MAP2K4: variants seen among roughly 807,000 people sequenced by gnomAD.
MAP2K4 encodes mitogen-activated protein kinase kinase 4.
Under a neutral mutation model 48.5 loss-of-function variants are expected in MAP2K4, and 4 were observed. That is an observed-to-expected ratio of 0.08 (90% confidence interval 0.04 to 0.19). The LOEUF (loss-of-function observed/expected upper bound fraction) is 0.19. MAP2K4 is among the 10% of genes least tolerant of loss of function. MAP2K4 has a pLI of 1.00. For missense variants in MAP2K4, 258 were observed against 493.3 expected (o/e 0.52, Z 4.52); for synonymous variants, 166 against 173.1 (o/e 0.96, Z 0.32).
At chr17:12,025,237 C>T (rs1446440054) in intron 1 of MAP2K4, among the ~76,000 whole-genome samples, 1 of 152,164 alleles carries the variant, frequency 6.6e-6, no homozygotes, top group African/African-American at 2.4e-5. Flanking sequence ...AATTCCCTAA[C>T]TTTTCTCAAC....
chr17:12,089,057 G>A (rs772204457), intron 3 of MAP2K4, among the ~76,000 whole-genome samples: 15 of 151,812 alleles, frequency 9.9e-5, no homozygotes, highest in Non-Finnish European at 1.8e-4. Flanking sequence ...GACTACAGGC[G>A]CACGCCACCA....
Position 12,141,563 on chromosome 17 carries a change from A to G in MAP2K4, c.*303A>G, listed in dbSNP as rs1317988135. On this transcript the variant is annotated 3_prime_UTR_variant, in exon 11 of 11. Transcript: ENST00000353533. ...GTTGACTGTGATTAGATCACATCTT[A>G]AATTCATTTCTAGACTCAAAACCTG... 2 of 360,848 alleles carry G rather than the reference A, an allele frequency of 5.5e-6. No individual in the cohort carries two copies. Among genetic ancestry groups the G allele is most frequent in the Non-Finnish European group, 1.0e-5 (2 of 196,872 alleles). The allele number at this position is 360,848 out of a possible 1,614,324, so 22.4% of individuals were successfully genotyped here. A position where few individuals can be genotyped will look rare whatever the true frequency, so the allele number is the denominator to read the frequency against.
intron 6 of MAP2K4, among the ~76,000 whole-genome samples, chr17:12,112,465 CAAAAA>C (rs11370279): frequency 1.2e-5 from 1 of 86,664 alleles, no homozygotes; most frequent in Non-Finnish European, 2.2e-5. Flanking sequence ...ACTCTTGTCT[CAAAAA>C]AAAAAAAAAA....
intron 1 of MAP2K4, among the ~76,000 whole-genome samples, chr17:12,035,119 T>C (rs555397389): frequency 1.4e-4 from 22 of 152,336 alleles, no homozygotes; most frequent in African/African-American, 5.1e-4. Context: ...TTTGCATGAC[T>C]TAAAAAATTA....
At chr17:12,049,589 T>C (rs1970070804) in intron 1 of MAP2K4, among the ~76,000 whole-genome samples, 1 of 152,224 alleles carries the variant, frequency 6.6e-6, no homozygotes, top group Admixed American at 6.5e-5. Context: ...TTTTGTTCCA[T>C]GTGGTCTTTC....
At chr17:12,120,186 C>T (rs8070288) in intron 7 of MAP2K4, among the ~76,000 whole-genome samples, 35,737 of 152,152 alleles carry the variant, frequency 0.23, 4,640 homozygotes, top group South Asian at 0.31. Flanking sequence ...TTAGGCCGGG[C>T]GCGGTGGCAC....
At position 12,143,689 on chromosome 17, in the gene MAP2K4, C is replaced by T. The variant is rs892713513; in HGVS notation, c.*2429C>T. ...GAAGTGTTTATGTAATAGTTCTATCCTTTTGCCTGCAGGTCAGTTGTAATA... is the reference window on the plus strand; with the variant it reads ...GAAGTGTTTATGTAATAGTTCTATCTTTTTGCCTGCAGGTCAGTTGTAATA... On this transcript the variant is annotated 3_prime_UTR_variant, in exon 11 of 11. Coordinates refer to ENST00000353533, the MANE Select transcript of MAP2K4 (RefSeq NM_003010.4). 1.3e-5 allele frequency: 3 copies of T among 230,312 alleles called. No individual in the cohort carries two copies. Among genetic ancestry groups the T allele is most frequent in the Admixed American group, 1.1e-4 (2 of 17,708 alleles). 14.3% of individuals were successfully genotyped at this position (230,312 alleles called of 1,614,324 possible). A position where few individuals can be genotyped will look rare whatever the true frequency, so the allele number is the denominator to read the frequency against.
At chr17:12,069,805 T>A in intron 2 of MAP2K4, 1 of 715,174 alleles carries the variant, frequency 1.4e-6, no homozygotes, top group Non-Finnish European at 2.0e-6. Context: ...CATCTAGAGA[T>A]CGTAACAGTA....
At chr17:12,140,690 C>A (rs1030897446) in intron 10 of MAP2K4, among the ~76,000 whole-genome samples, 1 of 152,012 alleles carries the variant, frequency 6.6e-6, no homozygotes, top group South Asian at 2.1e-4. Context: ...AAAAGGATTG[C>A]GACCTTTTTG....
intron 1 of MAP2K4, 35 bp downstream of exon 1, chr17:12,021,036 C>A (rs1486855771): frequency 2.0e-5 from 23 of 1,169,480 alleles, no homozygotes; most frequent in Admixed American, 8.8e-5. Flanking sequence ...TCCCAGCCCC[C>A]TAGCGCGGCA....
chr17:12,078,024 C>T lies in MAP2K4; in HGVS notation c.219-3332C>T, dbSNP rs530299149. Among the ~76,000 whole-genome samples the T allele has an allele frequency of 9.2e-5, 14 of 152,304 alleles. No homozygotes were observed. The East Asian group carries it at 2.5e-3, about 27-fold the overall frequency. ...TTAACCTTCATTGAACCTTCATTAT[C>T]TTCTTATAGGCCCTGTCTTCAGTAC... On this transcript the variant is annotated intron_variant, in intron 2 of 10. Coordinates refer to ENST00000353533, the MANE Select transcript of MAP2K4 (RefSeq NM_003010.4).
chr17:12,067,749 A>G (rs62061001), intron 2 of MAP2K4, among the ~76,000 whole-genome samples: 25,611 of 152,242 alleles, frequency 0.17, 2,540 homozygotes, highest in South Asian at 0.3. Flanking sequence ...TCTTTCATAC[A>G]TTTAGCAAAT....
intron 1 of MAP2K4, among the ~76,000 whole-genome samples, chr17:12,045,921 G>T (rs1333221458): frequency 6.6e-6 from 1 of 152,198 alleles, no homozygotes; most frequent in Admixed American, 6.5e-5. Context: ...GCATCACATG[G>T]ATTTAAAAAT....
intron 9 of MAP2K4, among the ~76,000 whole-genome samples, chr17:12,137,550 A>G (rs903610611): frequency 1.3e-5 from 2 of 152,200 alleles, no homozygotes; most frequent in African/African-American, 4.8e-5. Flanking sequence ...TTAGGGAAAT[A>G]GGAGCTGAGA....
At chr17:12,031,502 A>G (rs1969436491) in intron 1 of MAP2K4, among the ~76,000 whole-genome samples, 1 of 152,198 alleles carries the variant, frequency 6.6e-6, no homozygotes, top group African/African-American at 2.4e-5. Context: ...GGGGTGAAAG[A>G]ATATTTTGTG....
At chr17:12,048,932 C>T (rs1208674668) in intron 1 of MAP2K4, among the ~76,000 whole-genome samples, 5 of 152,160 alleles carry the variant, frequency 3.3e-5, no homozygotes, top group Non-Finnish European at 7.3e-5. Flanking sequence ...GCTAGGATTA[C>T]AGGCATGAGC....
At chr17:12,067,905 AC>A (rs1428906872) in intron 2 of MAP2K4, among the ~76,000 whole-genome samples, 1 of 152,200 alleles carries the variant, frequency 6.6e-6, no homozygotes. Flanking sequence ...ATAATCACCT[AC>A]TTGCTATTAA....
At chr17:12,052,445 A>T (rs1970170987) in intron 1 of MAP2K4, among the ~76,000 whole-genome samples, 1 of 152,214 alleles carries the variant, frequency 6.6e-6, no homozygotes, top group Non-Finnish European at 1.5e-5. Context: ...TATTCAGTAT[A>T]AATACTTATA....
chr17:12,089,115 T>C (rs1351569872), intron 3 of MAP2K4, among the ~76,000 whole-genome samples: 1 of 152,046 alleles, frequency 6.6e-6, no homozygotes, highest in Non-Finnish European at 1.5e-5. Context: ...GGTTTCACCG[T>C]GTTAGCCAGG....
Sources: allele counts gnomAD v4.1 joint callset (sites outside exome capture counted in the v4.1 genomes callset), GRCh38; gene constraint gnomAD v4.1.1; transcripts MANE v1.5; gene names NCBI Gene and HGNC (gene_info 2026-07-23, HGNC 2026-07-21).